The following MEGF10 variants were observed in gnomAD, a reference collection of about 807,000 sequenced individuals.
MEGF10 encodes multiple epidermal growth factor-like domains protein 10.
Under a neutral mutation model 147.5 loss-of-function variants are expected in MEGF10, and 86 were observed. That is an observed-to-expected ratio of 0.58 (90% CI 0.49 to 0.70). MEGF10 has a LOEUF of 0.70. MEGF10 is among the 30% of genes least tolerant of loss of function. The pLI is 0.00. For synonymous variants in MEGF10, 478 were observed against 525.5 expected, an observed-to-expected ratio of 0.91 and a Z score of 1.24; for missense variants, 1,329 against 1,487.3, an observed-to-expected ratio of 0.89 and a Z score of 1.75.
intron 1 of MEGF10, among the ~76,000 whole-genome samples, chr5:127,306,549 A>G (rs1314565962): frequency 6.6e-6 from 1 of 152,200 alleles, no homozygotes; most frequent in East Asian, 1.9e-4. Flanking sequence ...ACTTACAGAA[A>G]TGAGGAGGGG....
intron 5 of MEGF10, among the ~76,000 whole-genome samples, chr5:127,382,089 C>T (rs371342735): frequency 2.4e-4 from 36 of 152,078 alleles, no homozygotes; most frequent in African/African-American, 8.5e-4. Flanking sequence ...TCAGAATTTC[C>T]CCCCAAAAGC....
At chr5:127,230,227 A>G in the MEGF10 span, among the ~76,000 whole-genome samples, 1 of 151,932 alleles carries the variant, frequency 6.6e-6, no homozygotes, top group Non-Finnish European at 1.5e-5. Context: ...TCTTCTCAGG[A>G]CTGGTTTTTG....
At chr5:127,367,964 C>T (rs1166719050) in intron 4 of MEGF10, among the ~76,000 whole-genome samples, 1 of 152,168 alleles carries the variant, frequency 6.6e-6, no homozygotes, top group Non-Finnish European at 1.5e-5. Context: ...AGACCCAAGC[C>T]TACTGTGACA....
chr5:127,231,820 C>T, the MEGF10 span, among the ~76,000 whole-genome samples: 1 of 152,184 alleles, frequency 6.6e-6, no homozygotes, highest in African/African-American at 2.4e-5. Flanking sequence ...AGAAAGGTCG[C>T]CTCCAAAGGC....
intron 4 of MEGF10, among the ~76,000 whole-genome samples, chr5:127,366,488 C>T (rs1477524950): frequency 6.6e-6 from 1 of 152,198 alleles, no homozygotes; most frequent in Non-Finnish European, 1.5e-5. Flanking sequence ...TGCCTTTAGG[C>T]ATCAATGCTC....
At chr5:127,402,829 G>T (rs374797333) in intron 8 of MEGF10, 147 bp downstream of exon 8, 125 of 706,382 alleles carry the variant, frequency 1.8e-4, no homozygotes, top group East Asian at 1.6e-3. Flanking sequence ...GTGTTTGACA[G>T]ATTCTATCTT....
the MEGF10 span, among the ~76,000 whole-genome samples, chr5:127,238,107 G>A: frequency 1.3e-5 from 2 of 150,606 alleles, no homozygotes; most frequent in Admixed American, 6.6e-5. Context: ...TCAAGCTGGA[G>A]TGCAGTGGTG....
At chr5:127,303,643 C>T (rs1168746138) in intron 1 of MEGF10, among the ~76,000 whole-genome samples, 1 of 152,182 alleles carries the variant, frequency 6.6e-6, no homozygotes, top group African/African-American at 2.4e-5. Context: ...AAACACATTT[C>T]CTGCCCTCCT....
intron 1 of MEGF10, among the ~76,000 whole-genome samples, chr5:127,325,855 GTA>G (rs34408406): frequency 0.015 from 1,882 of 126,920 alleles, 45 homozygotes; most frequent in African/African-American, 0.045. Flanking sequence ...ATATATGTGT[GTA>G]TATATATATA....
intron 9 of MEGF10, among the ~76,000 whole-genome samples, chr5:127,417,130 G>C (rs1196497551): frequency 1.3e-5 from 2 of 152,216 alleles, no homozygotes; most frequent in Non-Finnish European, 1.5e-5. Flanking sequence ...ATGTCCATTT[G>C]CTATGGAGCA....
chr5:127,264,430 A>G, the MEGF10 span, among the ~76,000 whole-genome samples: 2 of 152,300 alleles, frequency 1.3e-5, no homozygotes, highest in African/African-American at 4.8e-5. Flanking sequence ...GACAGAAACC[A>G]ATTCAAATTA....
chr5:127,286,934 T>G (rs1289507807), upstream of MEGF10, among the ~76,000 whole-genome samples: 4 of 151,756 alleles, frequency 2.6e-5, no homozygotes, highest in Non-Finnish European at 4.4e-5. Flanking sequence ...CAACAGTATA[T>G]CAAATATATA....
chr5:127,357,626 A>T (rs1762325479), intron 4 of MEGF10, among the ~76,000 whole-genome samples: 1 of 150,392 alleles, frequency 6.6e-6, no homozygotes, highest in Non-Finnish European at 1.5e-5. Flanking sequence ...TAAATAAATA[A>T]ATAAAATTTA....
At chr5:127,390,037 A>T (rs757900257) in intron 5 of MEGF10, among the ~76,000 whole-genome samples, 1 of 152,232 alleles carries the variant, frequency 6.6e-6, no homozygotes, top group African/African-American at 2.4e-5. Flanking sequence ...AAAAGGATAC[A>T]TATTTACTGT....
chr5:127,273,118 T>G, the MEGF10 span, among the ~76,000 whole-genome samples: 312 of 152,332 alleles, frequency 2.0e-3, no homozygotes, highest in African/African-American at 7.1e-3. Context: ...TCTTTGTGCA[T>G]GCCGGAGCAG....
chr5:127,452,109 G>T (rs1044419303), intron 22 of MEGF10, among the ~76,000 whole-genome samples: 2 of 152,140 alleles, frequency 1.3e-5, no homozygotes, highest in Non-Finnish European at 2.9e-5. Flanking sequence ...GAGTTTATAG[G>T]GAATCCTGAC....
chr5:127,333,537 A>AAG (rs1245450870), intron 2 of MEGF10, among the ~76,000 whole-genome samples: 2 of 151,922 alleles, frequency 1.3e-5, no homozygotes, highest in Non-Finnish European at 2.9e-5. Flanking sequence ...AAAATAAAAA[A>AAG]AGAGAGAGAG....
intron 1 of MEGF10, among the ~76,000 whole-genome samples, chr5:127,321,117 T>G (rs1168115767): frequency 6.6e-6 from 1 of 152,216 alleles, no homozygotes; most frequent in Non-Finnish European, 1.5e-5. Context: ...GTGATTTGAC[T>G]GTAAGTTAAG....
At chr5:127,396,437 G>A (rs1338774481) in intron 5 of MEGF10, 95 bp from the exon 6 acceptor site, 2 of 1,399,066 alleles carry the variant, frequency 1.4e-6, no homozygotes, top group African/African-American at 2.9e-5. Flanking sequence ...CTAATGAATG[G>A]CCATGAGAGG....
Sources: gnomAD v4.1 joint callset for allele counts (sites outside exome capture counted in the v4.1 genomes callset) on GRCh38, gnomAD v4.1.1 for gene constraint, MANE v1.5 for transcripts, NCBI Gene and HGNC (gene_info 2026-07-23, HGNC 2026-07-21) for gene names.